ZNF385C: variants seen among roughly 807,000 people sequenced by gnomAD.
The protein encoded by ZNF385C is zinc finger protein 385C.
A neutral mutation model predicts 35.4 loss-of-function variants in ZNF385C; 28 were observed. That is an observed-to-expected ratio of 0.79 (90% CI 0.59 to 1.08). The LOEUF (loss-of-function observed/expected upper bound fraction) is 1.08. Among genes scored for constraint, ZNF385C ranks in the 50% least tolerant of loss-of-function variants. The pLI, the probability that ZNF385C is intolerant of heterozygous loss-of-function variation, is 0.00. For synonymous variants in ZNF385C, 248 were observed against 248.2 expected (o/e 1.00, Z 0.01); for missense variants, 605 against 595.6 (o/e 1.02, Z -0.16).
chr17:42,083,998 C>T (rs897694248), intron 1 of ZNF385C, among the ~76,000 whole-genome samples: 1 of 151,996 alleles, frequency 6.6e-6, no homozygotes, highest in African/African-American at 2.4e-5. Context: ...GGATGGCAGG[C>T]GTGAGCCACC....
chr17:42,060,859 G>GT (rs1223732823), intron 2 of ZNF385C, among the ~76,000 whole-genome samples: 1 of 152,130 alleles, frequency 6.6e-6, no homozygotes, highest in African/African-American at 2.4e-5. Context: ...GGGACTACAG[G>GT]TGCTCACCAC....
Position 42,085,967 on chromosome 17 carries a change from T to C in ZNF385C, c.-3+12443A>G, listed in dbSNP as rs138288836. Among the ~76,000 whole-genome samples, 309 of 152,156 alleles carry C rather than the reference T, an allele frequency of 2.0e-3. 2 individuals are homozygous for C. The highest frequency in any genetic ancestry group is 7.2e-3 in the African/African-American group (301 of 41,522). On this transcript the variant is annotated intron_variant, in intron 1 of 8. Coordinates refer to ENST00000692273, the MANE Select transcript of ZNF385C (RefSeq NM_001392013.1). ...CATGTGGTCCTGGTCACTTGAGAAG[T>C]TGAGGTGGGAGGATTGCTTGAGCCA...
At chr17:42,092,032 C>A (rs540095532) in intron 1 of ZNF385C, among the ~76,000 whole-genome samples, 2 of 152,198 alleles carry the variant, frequency 1.3e-5, no homozygotes, top group Non-Finnish European at 2.9e-5. Flanking sequence ...ACCCAGGTTC[C>A]AGTCCAGGTT....
chr17:42,045,309 C>T (rs2053135190), intron 2 of ZNF385C, among the ~76,000 whole-genome samples: 1 of 152,242 alleles, frequency 6.6e-6, no homozygotes, highest in Non-Finnish European at 1.5e-5. Flanking sequence ...TCTCGGCCTC[C>T]CAAAGTGCTG....
chr17:42,084,581 T>C (rs1242153664), intron 1 of ZNF385C, among the ~76,000 whole-genome samples: 1 of 152,156 alleles, frequency 6.6e-6, no homozygotes, highest in Non-Finnish European at 1.5e-5. Context: ...TATTAGTTCA[T>C]AAAAATCTAA....
chr17:42,034,749 A>G (rs1376619975), intron 3 of ZNF385C, among the ~76,000 whole-genome samples: 1 of 149,054 alleles, frequency 6.7e-6, no homozygotes, highest in Admixed American at 6.7e-5. Flanking sequence ...AGGCCATTAC[A>G]CTCCAGCCTG....
intron 2 of ZNF385C, among the ~76,000 whole-genome samples, chr17:42,044,334 C>T (rs1453885778): frequency 1.4e-5 from 2 of 141,204 alleles, no homozygotes; most frequent in Non-Finnish European, 3.1e-5. Flanking sequence ...AAAAAAAAGA[C>T]GGCCGGGTGG....
chr17:42,043,640 C>T (rs145915885), intron 2 of ZNF385C: 116 of 313,436 alleles, frequency 3.7e-4, no homozygotes, highest in African/African-American at 2.3e-3. Context: ...TGGTAGGCTT[C>T]ATGCTGCCCA....
At chr17:42,043,143 G>C in intron 2 of ZNF385C, 1 of 1,232,216 alleles carries the variant, frequency 8.1e-7, no homozygotes, top group Non-Finnish European at 1.0e-6. Context: ...AGGTCACGTG[G>C]CGCAGCAGGG....
intron 2 of ZNF385C, among the ~76,000 whole-genome samples, chr17:42,055,459 C>T (rs559136461): frequency 8.5e-5 from 13 of 152,156 alleles, no homozygotes; most frequent in African/African-American, 1.9e-4. Flanking sequence ...TGATGACATT[C>T]GGGAAGAGCG....
At chr17:42,079,676 C>T (rs1251135955) in intron 1 of ZNF385C, among the ~76,000 whole-genome samples, 1 of 151,622 alleles carries the variant, frequency 6.6e-6, no homozygotes, top group Non-Finnish European at 1.5e-5. Flanking sequence ...CCCATCACCC[C>T]CCAAAAAAAA....
At chr17:42,045,080 G>A (rs1245812794) in intron 2 of ZNF385C, among the ~76,000 whole-genome samples, 7 of 152,196 alleles carry the variant, frequency 4.6e-5, no homozygotes, top group African/African-American at 1.7e-4. Flanking sequence ...ATCACGCCCG[G>A]CTAATTTTTT....
At chr17:42,028,631 C>T in intron 6 of ZNF385C, 152 bp downstream of exon 6, 1 of 990,356 alleles carries the variant, frequency 1.0e-6, no homozygotes, top group East Asian at 2.6e-5. Flanking sequence ...AATGGGAGGA[C>T]CCAGAAACGT....
At chr17:42,040,755 G>A in intron 2 of ZNF385C, 1 of 1,232,384 alleles carries the variant, frequency 8.1e-7, no homozygotes, top group Non-Finnish European at 1.0e-6. Flanking sequence ...GGGAACTAGG[G>A]CCACCATGGA....
At chr17:42,057,104 C>T (rs1461476328) in intron 2 of ZNF385C, among the ~76,000 whole-genome samples, 1 of 152,120 alleles carries the variant, frequency 6.6e-6, no homozygotes, top group Non-Finnish European at 1.5e-5. Context: ...CCAGGTACTC[C>T]AGCCTGGGCA....
chr17:42,064,414 T>TA (rs1555658303), intron 1 of ZNF385C, among the ~76,000 whole-genome samples: 1 of 152,222 alleles, frequency 6.6e-6, no homozygotes, highest in Non-Finnish European at 1.5e-5. Context: ...TCTCTCCTGT[T>TA]ATGGACTGAA....
At chr17:42,090,530 CCA>C (rs2053855677) in intron 1 of ZNF385C, among the ~76,000 whole-genome samples, 1 of 151,622 alleles carries the variant, frequency 6.6e-6, no homozygotes, top group Non-Finnish European at 1.5e-5. Context: ...AGTGATCCAC[CCA>C]CCTTGGTCTC....
In ZNF385C at chr17:42,075,571, T is replaced by C. The variant is rs567950629; in HGVS notation, c.-2-12513A>G. The stretch of plus-strand genomic sequence containing the variant: ...GTGCAGTGGCGCGATCTCGGCTCAC[T>C]GCAAGCTCCGCCTCCCGGGTTCACA... On this transcript the variant is annotated intron_variant, in intron 1 of 8. Transcript: ENST00000692273. Among the ~76,000 whole-genome samples, 3 of 147,968 alleles carry C rather than the reference T, an allele frequency of 2.0e-5. No homozygotes were observed. In the South Asian group the frequency reaches 6.6e-4, roughly 32 times the overall value.
chr17:42,073,822 C>G (rs1299393630), intron 1 of ZNF385C, among the ~76,000 whole-genome samples: 1 of 152,190 alleles, frequency 6.6e-6, no homozygotes, highest in African/African-American at 2.4e-5. Flanking sequence ...GAAGAAGTGG[C>G]GGTGCCATTT....
Sources: gnomAD v4.1 joint callset for allele counts (sites outside exome capture counted in the v4.1 genomes callset) on GRCh38, gnomAD v4.1.1 for gene constraint, MANE v1.5 for transcripts, NCBI Gene and HGNC (gene_info 2026-07-23, HGNC 2026-07-21) for gene names.